Variants in ING1 observed in about 807,000 individuals in gnomAD.
The protein encoded by ING1 is inhibitor of growth protein 1.
Under a neutral mutation model 23.1 loss-of-function variants are expected in ING1, and 4 were observed. The observed-to-expected ratio is 0.17, with a 90% confidence interval of 0.09 to 0.40. The LOEUF (loss-of-function observed/expected upper bound fraction) is 0.40, where lower values mean the gene tolerates loss of function less well. ING1 is among the 10% of genes least tolerant of loss of function. ING1 has a pLI of 1.00. For synonymous variants in ING1, 179 were observed against 166.4 expected (o/e 1.08, Z -0.58); for missense variants, 256 against 393.8 (o/e 0.65, Z 2.96).
chr13:110,715,236 T>C (rs2064100218), intron 1 of ING1: 1 of 1,312,484 alleles, frequency 7.6e-7, no homozygotes, highest in South Asian at 2.4e-5. Flanking sequence ...AGTTTACTAA[T>C]GTTTACAAGG....
rs376301037 is a variant in ING1 at position 110,715,393 on chromosome 13, C to T, written c.136+1108C>T. 7.9e-6 allele frequency: 12 copies of T among 1,517,280 alleles called. No homozygotes were observed. The Admixed American group carries it at 8.8e-5, about 11-fold the overall frequency. The allele number at this position is 1,517,280 out of a possible 1,614,324, so 94.0% of individuals were successfully genotyped here. A position where few individuals can be genotyped will look rare whatever the true frequency, so the allele number is the denominator to read the frequency against. On this transcript the variant is annotated intron_variant, in intron 1 of 1. Coordinates refer to ENST00000333219, the MANE Select transcript of ING1 (RefSeq NM_198219.3). ...TTCGCAGCGAATTTTATAGGAACTT[C>T]ATTAGCATATTATGGAACGTCCCGC...
At chr13:110,713,059 G>A (rs1296798518), upstream of ING1, 20 of 1,460,760 alleles carry the variant, frequency 1.4e-5, no homozygotes, top group Middle Eastern at 2.5e-4. Flanking sequence ...ACTTCCGCCC[G>A]TGCCCGGCCC....
chr13:110,719,461 G>C lies in ING1; in HGVS notation c.369G>C (p.Ala123=), dbSNP rs35992622. The C allele has an allele frequency of 6.2e-7, 1 of 1,612,682 alleles. No individual in the cohort carries two copies. Among genetic ancestry groups the C allele is most frequent in the Non-Finnish European group, 8.5e-7 (1 of 1,179,596 alleles). Residue 123 remains alanine, a synonymous_variant, in exon 2 of 2, where the codon GCG becomes GCC. Coordinates refer to ENST00000333219, the MANE Select transcript of ING1 (RefSeq NM_198219.3). This position sits in a 1 kb window ranked among gnomAD's most constrained non-coding sequence, Gnocchi z 8.9. ...FEAQQELGDT[A]GNSGKAGADR... Reference sequence around the variant, plus strand: ...CGCAGCAGGAGCTGGGCGACACAGCGGGCAACAGCGGCAAGGCTGGCGCGG... The same window carrying C: ...CGCAGCAGGAGCTGGGCGACACAGCCGGCAACAGCGGCAAGGCTGGCGCGG...
rs1349792572 is a variant in ING1 at position 110,722,533 on chromosome 13, G to A, written c.*2601G>A. ...ACTGGTGAAGAGAGATGGCTCAGAG[G>A]CCAAGCCTTGCAATCTAGGAGCCCA... On this transcript the variant is annotated 3_prime_UTR_variant, in exon 2 of 2. Transcript: ENST00000333219. 1.3e-5 allele frequency: 2 copies of A among 150,758 alleles called. No homozygotes were observed. The allele number at this position is 150,758 out of a possible 1,614,324, so 9.3% of individuals were successfully genotyped here.
chr13:110,715,521 A>C (rs777967993), intron 1 of ING1: 1 of 1,614,150 alleles, frequency 6.2e-7, no homozygotes, highest in Non-Finnish European at 8.5e-7. Flanking sequence ...GGCCTAGCGC[A>C]ATAACTGGTA....
intron 1 of ING1, chr13:110,715,435 T>C: frequency 1.3e-6 from 2 of 1,570,348 alleles, no homozygotes; most frequent in South Asian, 1.2e-5. Context: ...CCCCCAGTAG[T>C]TGGCTGTGAT....
At chr13:110,713,126 G>C (rs1320137018), upstream of ING1, 7 of 1,427,742 alleles carry the variant, frequency 4.9e-6, 1 homozygote, top group East Asian at 1.5e-4. Flanking sequence ...AGTCCGGGGG[G>C]CATTACTCAC....
rs1566382529 is a variant in ING1 at position 110,719,553 on chromosome 13, G to A, written c.461G>A (p.Arg154His). 1.2e-6 allele frequency: 2 copies of A among 1,610,126 alleles called. No individual in the cohort carries two copies. The highest frequency in any genetic ancestry group is 8.5e-7 in the Non-Finnish European group (1 of 1,178,626). The change falls in exon 2 of 2, where the codon CGC becomes CAC. Residue 154 changes from arginine (R) to histidine (H), a missense_variant. This residue lies in a region of ING1 where 209 missense variants were observed against 273.8 expected (regional missense o/e 0.76). Coordinates refer to ENST00000333219, the MANE Select transcript of ING1 (RefSeq NM_198219.3). The surrounding 1 kb of genome is among the most constrained non-coding windows in gnomAD (Gnocchi z 8.9). ...AACAGCAAGCGCTCACGGCGGCAGC[G>A]CAACAACGAGAACCGTGAGAACGCG... Reference protein sequence around the residue: ...KPNSKRSRRQRNNENRENASS... With the variant: ...KPNSKRSRRQHNNENRENASS...
At position 110,720,220 on chromosome 13, in the gene ING1, T is replaced by G; in HGVS notation, c.*288T>G. 4.0e-6 allele frequency: 1 copy of G among 251,260 alleles called. No individual in the cohort carries two copies. Among genetic ancestry groups the G allele is most frequent in the Non-Finnish European group, 8.1e-6 (1 of 123,070 alleles). 15.6% of individuals were successfully genotyped at this position (251,260 alleles called of 1,614,324 possible). The stretch of plus-strand genomic sequence containing the variant: ...TCTTGCGGGAGGAGGGGGACTAAAC[T>G]CAACCTAACACATTAAATGTGGAAG... On this transcript the variant is annotated 3_prime_UTR_variant, in exon 2 of 2. Transcript: ENST00000333219.
intron 1 of ING1, chr13:110,714,937 A>T: frequency 1.0e-6 from 1 of 968,908 alleles, no homozygotes; most frequent in Non-Finnish European, 1.2e-6. Context: ...GCGGAGGACG[A>T]GGGCTTTTCT....
rs1026960510 is a variant in ING1 at position 110,720,967 on chromosome 13, C to G, written c.*1035C>G. On this transcript the variant is annotated 3_prime_UTR_variant, in exon 2 of 2. Coordinates refer to ENST00000333219, the MANE Select transcript of ING1 (RefSeq NM_198219.3). Reference sequence around the variant, plus strand: ...TCAAAAAAGAATCTGTATTCAGACCCTGGGTCAGGAAATTACTGCCCACTT... The same window carrying G: ...TCAAAAAAGAATCTGTATTCAGACCGTGGGTCAGGAAATTACTGCCCACTT... 1.2e-5 allele frequency: 2 copies of G among 167,108 alleles called. No individual in the cohort carries two copies. Among genetic ancestry groups the G allele is most frequent in the Non-Finnish European group, 2.9e-5 (2 of 68,126 alleles). The allele number at this position is 167,108 out of a possible 1,614,324, so 10.4% of individuals were successfully genotyped here.
intron 1 of ING1, chr13:110,715,502 A>G (rs751627484): frequency 1.2e-6 from 2 of 1,613,610 alleles, no homozygotes; most frequent in Non-Finnish European, 1.7e-6. Flanking sequence ...GCTGAGGCGG[A>G]TGAAGGCGGG....
chr13:110,712,727 G>A (rs1005708358), upstream of ING1: 1 of 696,462 alleles, frequency 1.4e-6, no homozygotes, highest in Admixed American at 2.0e-5. Context: ...TTCCAAGTGT[G>A]GGGAGCGGCC....
intron 1 of ING1, chr13:110,715,025 G>T (rs920841669): frequency 9.0e-6 from 9 of 994,870 alleles, no homozygotes; most frequent in Non-Finnish European, 1.1e-5. Flanking sequence ...GCTCGGGGGG[G>T]CGCGGGCAGA....
Position 110,722,855 on chromosome 13 carries a change from C to T in ING1, c.*2923C>T, listed in dbSNP as rs1324822992. 6.6e-6 allele frequency: 1 copy of T among 150,696 alleles called. No homozygotes were observed. The highest frequency in any genetic ancestry group is 1.5e-5 in the Non-Finnish European group (1 of 67,758). 9.3% of individuals were successfully genotyped at this position (150,696 alleles called of 1,614,324 possible). ...AAAAATCACAGATAAGTACTTAAAACACTCAAGATTTGGGATTTAGATCAT... is the reference window on the plus strand; with the variant it reads ...AAAAATCACAGATAAGTACTTAAAATACTCAAGATTTGGGATTTAGATCAT... On this transcript the variant is annotated 3_prime_UTR_variant, in exon 2 of 2. Transcript: ENST00000333219.
At position 110,713,991 on chromosome 13, in the gene ING1, C is replaced by T. The variant is rs1321974152; in HGVS notation, c.-159C>T. 18 of 1,123,868 alleles carry T rather than the reference C, an allele frequency of 1.6e-5. No individual in the cohort carries two copies. The highest frequency in any genetic ancestry group is 2.0e-5 in the Non-Finnish European group (18 of 918,848). The allele number at this position is 1,123,868 out of a possible 1,614,324, so 69.6% of individuals were successfully genotyped here. A position where few individuals can be genotyped will look rare whatever the true frequency, so the allele number is the denominator to read the frequency against. On this transcript the variant is annotated 5_prime_UTR_variant, in exon 1 of 2. It adds an upstream start codon to the 5' untranslated region. Coordinates refer to ENST00000333219, the MANE Select transcript of ING1 (RefSeq NM_198219.3). ...TCCCCGCGGACCCGGAGGCGGCGGA[C>T]GGGCTCGGCAGATGTAGCCGCCGGG...
intron 1 of ING1, chr13:110,715,921 C>G (rs984414678): frequency 1.3e-6 from 2 of 1,568,860 alleles, no homozygotes; most frequent in Non-Finnish European, 1.7e-6. Context: ...TTCGGACCGC[C>G]TCCCGCGACC....
chr13:110,713,057 C>T (rs750153401), upstream of ING1: 28 of 1,461,556 alleles, frequency 1.9e-5, no homozygotes, highest in Non-Finnish European at 2.5e-5. Context: ...CCACTTCCGC[C>T]CGTGCCCGGC....
intron 1 of ING1, among the ~76,000 whole-genome samples, chr13:110,714,496 G>A (rs1252457410): frequency 6.6e-6 from 1 of 152,110 alleles, no homozygotes; most frequent in Non-Finnish European, 1.5e-5. Flanking sequence ...GGAGGAAGGA[G>A]GCGCGAGAGG....
Sources: allele counts gnomAD v4.1 joint callset (sites outside exome capture counted in the v4.1 genomes callset), GRCh38; gene constraint gnomAD v4.1.1; regional missense constraint gnomAD v4.1.1; non-coding constraint Gnocchi (gnomAD v3.1); transcripts MANE v1.5; gene names NCBI Gene and HGNC (gene_info 2026-07-23, HGNC 2026-07-21).